STXBP5: variants seen among roughly 807,000 people sequenced by gnomAD.
STXBP5 encodes the protein syntaxin binding protein 5.
A neutral mutation model predicts 152.4 loss-of-function variants in STXBP5; 50 were observed. The observed-to-expected ratio is 0.33, with a 90% CI of 0.26 to 0.42. The LOEUF is 0.42. Among genes scored for constraint, STXBP5 ranks in the 10% least tolerant of loss-of-function variants. The probability of loss-of-function intolerance (pLI) is 1.00; values close to 1 mark genes in which losing one functional copy is unlikely to be tolerated. For synonymous variants in STXBP5, 492 were observed against 494.7 expected, an observed-to-expected ratio of 0.99 and a Z score of 0.07; for missense variants, 1,167 against 1,388.6, an observed-to-expected ratio of 0.84 and a Z score of 2.54.
intron 6 of STXBP5, among the ~76,000 whole-genome samples, chr6:147,266,587 C>T (rs1245072291): frequency 2.6e-5 from 4 of 152,024 alleles, no homozygotes; most frequent in African/African-American, 9.7e-5. Context: ...ACAGGGAATT[C>T]CAGAGAAGCA....
At position 147,353,328 on chromosome 6, in the gene STXBP5, A is replaced by T; in HGVS notation, c.2260A>T (p.Met754Leu). ...SKMVANDIAKMSRKLSLPTDL... is the reference protein window; with the variant it reads ...SKMVANDIAKLSRKLSLPTDL... ...AAATGTCTTTTATTTTTCAGCAAAG[A>T]TGTCAAGGAAGTTAAGCTTACCTAC... is the stretch of plus-strand genomic sequence containing the variant. Residue 754 changes from methionine (M) to leucine (L), a missense_variant, in exon 22 of 28, where the codon ATG becomes TTG. By Grantham distance (15) the Met-to-Leu change is conservative (BLOSUM62 2). This residue lies in a region of STXBP5 where 833 missense variants were observed against 986.3 expected (regional missense o/e 0.84). Transcript: ENST00000321680. 6.3e-7 allele frequency: 1 copy of T among 1,579,106 alleles called. No homozygotes were observed. The highest frequency in any genetic ancestry group is 2.3e-5 in the East Asian group (1 of 43,846).
chr6:147,271,317 A>G (rs1409111872), intron 7 of STXBP5, among the ~76,000 whole-genome samples: 1 of 152,164 alleles, frequency 6.6e-6, no homozygotes, highest in Non-Finnish European at 1.5e-5. Context: ...TATTAATATC[A>G]ACCAAGTAGG....
intron 24 of STXBP5, 56 bp from the exon 25 acceptor site, chr6:147,363,945 G>A (rs1417998533): frequency 1.3e-6 from 2 of 1,543,802 alleles, no homozygotes; most frequent in Non-Finnish European, 1.8e-6. Flanking sequence ...CAATGATAGT[G>A]TGTTCAAGAC....
intron 21 of STXBP5, among the ~76,000 whole-genome samples, chr6:147,342,828 G>A (rs897176698): frequency 5.9e-5 from 9 of 152,110 alleles, no homozygotes; most frequent in African/African-American, 9.6e-5. Context: ...CAGCCTACAT[G>A]CTAGCATTGT....
intron 21 of STXBP5, among the ~76,000 whole-genome samples, chr6:147,342,341 A>G (rs888533357): frequency 1.3e-5 from 2 of 152,202 alleles, no homozygotes; most frequent in East Asian, 1.9e-4. Flanking sequence ...CCCAAAGCCT[A>G]GCTTCATAGT....
chr6:147,353,148 A>G (rs549158798), intron 21 of STXBP5, among the ~76,000 whole-genome samples, 175 bp from the exon 22 acceptor site: 7 of 152,308 alleles, frequency 4.6e-5, no homozygotes, highest in African/African-American at 1.7e-4. Context: ...GTCTCAAAAA[A>G]TTAGAAAATA....
chr6:147,248,171 T>G (rs1306980394), intron 4 of STXBP5, among the ~76,000 whole-genome samples: 3 of 151,364 alleles, frequency 2.0e-5, no homozygotes, highest in Non-Finnish European at 4.4e-5. Context: ...TCCCAGCTAC[T>G]CGGGAGCCTG....
chr6:147,277,100 T>C (rs1053912301), intron 7 of STXBP5, among the ~76,000 whole-genome samples: 4 of 152,094 alleles, frequency 2.6e-5, no homozygotes, highest in African/African-American at 4.8e-5. Flanking sequence ...TAAAAAACAT[T>C]GTATTAAATA....
chr6:147,321,670 G>A (rs1182114560), intron 16 of STXBP5, among the ~76,000 whole-genome samples: 1 of 152,140 alleles, frequency 6.6e-6, no homozygotes, highest in Non-Finnish European at 1.5e-5. Context: ...CCCTTTGCAA[G>A]GTACTTGCTC....
At chr6:147,281,453 A>G (rs972283344) in intron 8 of STXBP5, among the ~76,000 whole-genome samples, 3 of 152,240 alleles carry the variant, frequency 2.0e-5, no homozygotes, top group African/African-American at 7.2e-5. Context: ...TTTGTGGTAC[A>G]TCATTTTCAT....
At chr6:147,248,497 T>G (rs1778927790) in intron 4 of STXBP5, among the ~76,000 whole-genome samples, 1 of 152,156 alleles carries the variant, frequency 6.6e-6, no homozygotes, top group Non-Finnish European at 1.5e-5. Context: ...AAATGCAGAC[T>G]AAAACAACAA....
chr6:147,261,670 G>T (rs1269275027), intron 5 of STXBP5, among the ~76,000 whole-genome samples: 3 of 151,880 alleles, frequency 2.0e-5, no homozygotes, highest in Non-Finnish European at 4.4e-5. Flanking sequence ...TCTGTTCTTT[G>T]AATTGATCAT....
chr6:147,216,221 G>A (rs1240379117), intron 2 of STXBP5, among the ~76,000 whole-genome samples: 2 of 151,970 alleles, frequency 1.3e-5, no homozygotes, highest in African/African-American at 2.4e-5. Flanking sequence ...GTGAAACCCC[G>A]TCTCTACTAA....
intron 25 of STXBP5, among the ~76,000 whole-genome samples, chr6:147,364,491 T>G (rs1321487973): frequency 6.6e-6 from 1 of 152,230 alleles, no homozygotes. Flanking sequence ...ACAGTCCTTT[T>G]TAAAGAAGTG....
At chr6:147,219,001 A>G (rs1309926163) in intron 2 of STXBP5, among the ~76,000 whole-genome samples, 4 of 152,168 alleles carry the variant, frequency 2.6e-5, no homozygotes, top group Non-Finnish European at 5.9e-5. Flanking sequence ...AAGGCGTGAT[A>G]AGAGGGATAT....
intron 9 of STXBP5, among the ~76,000 whole-genome samples, 186 bp downstream of exon 9, chr6:147,291,358 C>G (rs1295968132): frequency 1.3e-5 from 2 of 151,708 alleles, no homozygotes; most frequent in African/African-American, 4.8e-5. Context: ...TTTTTGTGTT[C>G]TTGTCTTTAG....
chr6:147,294,761 A>G (rs571309497), intron 9 of STXBP5, among the ~76,000 whole-genome samples: 54 of 152,234 alleles, frequency 3.5e-4, no homozygotes, highest in Middle Eastern at 3.2e-3. Flanking sequence ...GTGACCATCA[A>G]TTTCTAACTT....
chr6:147,274,871 TATTA>T (rs1271196818), intron 7 of STXBP5, among the ~76,000 whole-genome samples: 8 of 152,084 alleles, frequency 5.3e-5, no homozygotes, highest in Admixed American at 1.3e-4. Context: ...AAATTAAGAA[TATTA>T]ATTAGTATAT....
intron 9 of STXBP5, among the ~76,000 whole-genome samples, chr6:147,306,806 C>T (rs2128367023): frequency 6.6e-6 from 1 of 152,330 alleles, no homozygotes; most frequent in East Asian, 1.9e-4. Context: ...ACTGCCATCC[C>T]TTCTGGGGAC....
Sources: gnomAD v4.1 joint callset for allele counts (sites outside exome capture counted in the v4.1 genomes callset) on GRCh38, gnomAD v4.1.1 for gene constraint, gnomAD v4.1.1 regional missense constraint, MANE v1.5 for transcripts, NCBI Gene and HGNC (gene_info 2026-07-23, HGNC 2026-07-21) for gene names.